The following SYNPO2 variants were observed in gnomAD, a reference collection of about 807,000 sequenced individuals.
SYNPO2 encodes synaptopodin-2.
A neutral mutation model predicts 85.0 loss-of-function variants in SYNPO2; 56 were observed. That is an observed-to-expected ratio of 0.66 (90% CI 0.53 to 0.82). The LOEUF (loss-of-function observed/expected upper bound fraction) is 0.82, where lower values mean the gene tolerates loss of function less well. Among genes scored for constraint, SYNPO2 ranks in the 40% least tolerant of loss-of-function variants. SYNPO2 has a pLI of 0.00. For synonymous variants in SYNPO2, 602 were observed against 591.1 expected (o/e 1.02, Z -0.27); for missense variants, 1,575 against 1,534.2 (o/e 1.03, Z -0.44).
chr4:118,881,488 C>G (rs905229414), intron 1 of SYNPO2, among the ~76,000 whole-genome samples: 2 of 152,162 alleles, frequency 1.3e-5, no homozygotes, highest in Non-Finnish European at 2.9e-5. Flanking sequence ...ACTTCTGTTG[C>G]TTAGGCCACC....
chr4:119,023,263 T>C (rs1363178884), intron 1 of SYNPO2, among the ~76,000 whole-genome samples, 167 bp from the exon 2 acceptor site: 3 of 152,220 alleles, frequency 2.0e-5, no homozygotes, highest in Non-Finnish European at 4.4e-5. Context: ...TGTGGCTGTG[T>C]GTGTGTTCAT....
chr4:119,052,043 T>C (rs1739067232), intron 4 of SYNPO2, among the ~76,000 whole-genome samples: 1 of 152,134 alleles, frequency 6.6e-6, no homozygotes, highest in Admixed American at 6.5e-5. Flanking sequence ...AGTTTCAAAG[T>C]GTCTTCTTAG....
intron 1 of SYNPO2, among the ~76,000 whole-genome samples, chr4:118,990,238 T>C (rs1046685107): frequency 6.6e-6 from 1 of 152,166 alleles, no homozygotes; most frequent in Non-Finnish European, 1.5e-5. Flanking sequence ...ACAGCTCACA[T>C]GGTGCACAGG....
chr4:119,006,799 T>C lies in SYNPO2; in HGVS notation c.106-16631T>C, dbSNP rs185287340. On this transcript the variant is annotated intron_variant, in intron 1 of 4. Transcript: ENST00000307142. Reference sequence around the variant, plus strand: ...CTGTTGAGAGCAAGGATGATCTGTATAGCCAGGGTATTGCAACATGCTGAC... The same window carrying C: ...CTGTTGAGAGCAAGGATGATCTGTACAGCCAGGGTATTGCAACATGCTGAC... Among the ~76,000 whole-genome samples, 658 of 152,254 alleles carry C rather than the reference T, an allele frequency of 4.3e-3. 4 individuals are homozygous for C. Among genetic ancestry groups the C allele is most frequent in the Non-Finnish European group, 7.0e-3 (479 of 68,018 alleles).
intron 4 of SYNPO2, among the ~76,000 whole-genome samples, chr4:119,048,652 G>A (rs1378626152): frequency 1.3e-5 from 2 of 152,178 alleles, no homozygotes; most frequent in Non-Finnish European, 2.9e-5. Flanking sequence ...TAGGAGTCAT[G>A]CTGGTACCTG....
chr4:118,900,719 A>G (rs1187016570), intron 1 of SYNPO2, among the ~76,000 whole-genome samples: 1 of 121,878 alleles, frequency 8.2e-6, no homozygotes, highest in South Asian at 3.0e-4. Context: ...ATATATATAT[A>G]TATATATATA....
chr4:119,033,547 C>T lies in SYNPO2; in HGVS notation c.3252+1520C>T, dbSNP rs181105269. 48 of 985,378 alleles carry T rather than the reference C, an allele frequency of 4.9e-5. No individual in the cohort carries two copies. The East Asian group carries it at 4.9e-3, about 100-fold the overall frequency. 61.0% of individuals were successfully genotyped at this position (985,378 alleles called of 1,614,324 possible). A position where few individuals can be genotyped will look rare whatever the true frequency, so the allele number is the denominator to read the frequency against. ...AACTATAAAGCATTTATGACAGCTC[C>T]AAGAAAAATCATCTACTCTATGCAG... On this transcript the variant is annotated intron_variant, in intron 4 of 4. Coordinates refer to ENST00000307142, the MANE Select transcript of SYNPO2 (RefSeq NM_133477.3).
chr4:118,868,503 C>G (rs577633045), intron 1 of SYNPO2, among the ~76,000 whole-genome samples: 25 of 152,166 alleles, frequency 1.6e-4, no homozygotes, highest in African/African-American at 6.0e-4. Flanking sequence ...ATAAAGAAAT[C>G]TGCCTTTTAT....
chr4:118,905,723 T>A (rs1288395172), intron 1 of SYNPO2, among the ~76,000 whole-genome samples: 1 of 152,146 alleles, frequency 6.6e-6, no homozygotes, highest in Non-Finnish European at 1.5e-5. Flanking sequence ...TCAGACAAGC[T>A]TGTTTTGTCT....
intron 1 of SYNPO2, among the ~76,000 whole-genome samples, chr4:118,878,992 T>C (rs959710741): frequency 6.6e-6 from 1 of 152,144 alleles, no homozygotes; most frequent in Non-Finnish European, 1.5e-5. Context: ...GTGGCTTCAC[T>C]CCTGAAGTCA....
intron 1 of SYNPO2, among the ~76,000 whole-genome samples, chr4:118,882,862 C>T (rs1032756286): frequency 2.0e-5 from 3 of 151,986 alleles, no homozygotes; most frequent in South Asian, 2.1e-4. Context: ...CTCCACCTCC[C>T]GGGTTCATGC....
At chr4:118,882,079 C>T (rs1225523955) in intron 1 of SYNPO2, among the ~76,000 whole-genome samples, 4 of 152,188 alleles carry the variant, frequency 2.6e-5, no homozygotes, top group Non-Finnish European at 5.9e-5. Context: ...TAACAATAAG[C>T]ATTTTAAAGA....
chr4:118,900,695 CTCTCTCTCTATATATA>C (rs1447035419), intron 1 of SYNPO2, among the ~76,000 whole-genome samples: 2,066 of 41,356 alleles, frequency 0.05, 25 homozygotes, highest in Middle Eastern at 0.078. Context: ...CTCTCTCTCT[CTCTCTCTCTATATATA>C]TATATATATA....
intron 4 of SYNPO2, among the ~76,000 whole-genome samples, chr4:119,055,394 A>C (rs371821863): frequency 6.6e-6 from 1 of 152,246 alleles, no homozygotes; most frequent in African/African-American, 2.4e-5. Context: ...ATCTCAAGTG[A>C]TCCATCTGCC....
chr4:118,899,068 T>A (rs1732638237), intron 1 of SYNPO2, among the ~76,000 whole-genome samples: 1 of 152,250 alleles, frequency 6.6e-6, no homozygotes, highest in African/African-American at 2.4e-5. Context: ...CACACAGCTT[T>A]CACCTTGAGC....
At chr4:119,052,219 C>G (rs1397005757) in intron 4 of SYNPO2, among the ~76,000 whole-genome samples, 1 of 152,098 alleles carries the variant, frequency 6.6e-6, no homozygotes. Context: ...TGAGTGTTCC[C>G]CATGGACCAG....
At chr4:118,877,563 T>C (rs1731948687) in intron 1 of SYNPO2, among the ~76,000 whole-genome samples, 1 of 152,128 alleles carries the variant, frequency 6.6e-6, no homozygotes, top group East Asian at 1.9e-4. Context: ...CAAGCACTTT[T>C]CAAAAGAAGA....
intron 1 of SYNPO2, among the ~76,000 whole-genome samples, chr4:118,910,586 T>G (rs913687406): frequency 5.3e-5 from 8 of 152,144 alleles, no homozygotes; most frequent in Non-Finnish European, 7.4e-5. Flanking sequence ...AGTGTGCTGA[T>G]TTCCAAACAA....
At chr4:118,959,027 AG>A (rs1247942579) in intron 1 of SYNPO2, among the ~76,000 whole-genome samples, 1 of 152,208 alleles carries the variant, frequency 6.6e-6, no homozygotes, top group Non-Finnish European at 1.5e-5. Flanking sequence ...TTCTATTCAA[AG>A]GATTTTAGGA....
Sources: gnomAD v4.1 joint callset for allele counts (sites outside exome capture counted in the v4.1 genomes callset) on GRCh38, gnomAD v4.1.1 for gene constraint, MANE v1.5 for transcripts, NCBI Gene and HGNC (gene_info 2026-07-23, HGNC 2026-07-21) for gene names.